Variants in SNAP29 observed in about 807,000 individuals in gnomAD.
SNAP29 encodes synaptosome associated protein 29.
In SNAP29, 13 loss-of-function variants were observed where a neutral mutation model predicts 27.9. The ratio of observed to expected loss-of-function variants is 0.47; its 90% CI spans 0.30 to 0.74. The LOEUF (loss-of-function observed/expected upper bound fraction) is 0.74. Ranked by LOEUF, SNAP29 falls within the 30% of genes least tolerant of loss-of-function variation. The pLI, the probability that SNAP29 is intolerant of heterozygous loss-of-function variation, is 0.06. For synonymous variants in SNAP29, 119 were observed against 127.1 expected (o/e 0.94, Z 0.43); for missense variants, 368 against 336.5 (o/e 1.09, Z -0.73).
At chr22:20,880,701 T>G (rs1045247303) in intron 2 of SNAP29, among the ~76,000 whole-genome samples, 1 of 152,152 alleles carries the variant, frequency 6.6e-6, no homozygotes, top group Non-Finnish European at 1.5e-5. Flanking sequence ...GCTTTTTTTT[T>G]CTTTTTTTTC....
intron 4 of SNAP29, among the ~76,000 whole-genome samples, chr22:20,885,158 T>A (rs1463994011): frequency 6.6e-6 from 1 of 152,202 alleles, no homozygotes; most frequent in Non-Finnish European, 1.5e-5. Context: ...GAGTTTATTC[T>A]AAGTAGTGTC....
intron 1 of SNAP29, among the ~76,000 whole-genome samples, chr22:20,865,598 A>T (rs1374794804): frequency 6.6e-6 from 1 of 152,176 alleles, no homozygotes; most frequent in African/African-American, 2.4e-5. Flanking sequence ...TTAGAGTGGG[A>T]AGTGTTGTAG....
At chr22:20,885,731 G>A (rs1031426385) in intron 4 of SNAP29, among the ~76,000 whole-genome samples, 1 of 152,218 alleles carries the variant, frequency 6.6e-6, no homozygotes, top group Non-Finnish European at 1.5e-5. Context: ...CCGGCAGGAC[G>A]CAGTCTAGAG....
chr22:20,877,651 G>A (rs1353770640), intron 2 of SNAP29, among the ~76,000 whole-genome samples: 2 of 152,188 alleles, frequency 1.3e-5, no homozygotes, highest in African/African-American at 4.8e-5. Context: ...GGGAGGTGGA[G>A]GTTGCAGTGA....
Position 20,875,936 on chromosome 22 carries a change from C to T in SNAP29, c.435-5113C>T, listed in dbSNP as rs989199040. Among the ~76,000 whole-genome samples, 11 of 151,838 alleles carry T rather than the reference C, an allele frequency of 7.2e-5. No homozygotes were observed. The South Asian group carries it at 8.3e-4, about 11-fold the overall frequency. On this transcript the variant is annotated intron_variant, in intron 2 of 4. Transcript: ENST00000215730. ...AGCACTTTTGGGAGGCTAAGGTGGG[C>T]GGATCACGAGGTCAGGAGATCGAGA...
At chr22:20,860,192 A>AT (rs1430927342) in intron 1 of SNAP29, among the ~76,000 whole-genome samples, 2 of 105,424 alleles carry the variant, frequency 1.9e-5, no homozygotes, top group African/African-American at 4.1e-5. Flanking sequence ...CTCCACTAAA[A>AT]TTAAAAAAAA....
intron 2 of SNAP29, among the ~76,000 whole-genome samples, chr22:20,878,841 G>C (rs545152518): frequency 1.3e-5 from 2 of 152,166 alleles, no homozygotes; most frequent in South Asian, 2.1e-4. Flanking sequence ...AGGATGTCGG[G>C]GATCAGCAGG....
rs1334883503 is a variant in SNAP29 at position 20,888,307 on chromosome 22, TCA to T, written c.*472_*473del. On this transcript the variant is annotated 3_prime_UTR_variant, in exon 5 of 5. Coordinates refer to ENST00000215730, the MANE Select transcript of SNAP29 (RefSeq NM_004782.4). ...TTCCCACACCTTTGTTTAGGAGTCA[TCA>T]TTCACACACACACACACACACACAC... 8 of 206,568 alleles carry T rather than the reference TCA, an allele frequency of 3.9e-5. No individual in the cohort carries two copies. The highest frequency in any genetic ancestry group is 1.5e-4 in the Admixed American group (2 of 13,694). 12.8% of individuals were successfully genotyped at this position (206,568 alleles called of 1,614,324 possible). A position where few individuals can be genotyped will look rare whatever the true frequency, so the allele number is the denominator to read the frequency against.
At chr22:20,863,346 A>G (rs1928377813) in intron 1 of SNAP29, among the ~76,000 whole-genome samples, 1 of 152,234 alleles carries the variant, frequency 6.6e-6, no homozygotes, top group South Asian at 2.1e-4. Flanking sequence ...AAACATGCCA[A>G]CACATGACAG....
At position 20,888,753 on chromosome 22, in the gene SNAP29, A is replaced by G. The variant is rs12161075; in HGVS notation, c.*917A>G. ...TGGGAATCACCATTAGGCAGGCCTC[A>G]GTAGGGCAAAATGTTTATTTGGTAC... On this transcript the variant is annotated 3_prime_UTR_variant, in exon 5 of 5. Coordinates refer to ENST00000215730, the MANE Select transcript of SNAP29 (RefSeq NM_004782.4). The G allele has an allele frequency of 3.3e-5, 5 of 152,412 alleles. No homozygotes were observed. Among genetic ancestry groups the G allele is most frequent in the African/African-American group, 1.2e-4 (5 of 41,588 alleles). The allele number at this position is 152,412 out of a possible 1,614,324, so 9.4% of individuals were successfully genotyped here. A position where few individuals can be genotyped will look rare whatever the true frequency, so the allele number is the denominator to read the frequency against.
chr22:20,863,519 A>G (rs970850391), intron 1 of SNAP29, among the ~76,000 whole-genome samples: 3 of 152,220 alleles, frequency 2.0e-5, no homozygotes, highest in African/African-American at 7.2e-5. Context: ...ACAAAGGCTC[A>G]GGCCACAGGC....
Position 20,890,047 on chromosome 22 carries a change from G to A in SNAP29, c.*2211G>A, listed in dbSNP as rs1569122848. 2 of 387,370 alleles carry A rather than the reference G, an allele frequency of 5.2e-6. No individual in the cohort carries two copies. Among genetic ancestry groups the A allele is most frequent in the African/African-American group, 2.1e-5 (1 of 48,328 alleles). 24.0% of individuals were successfully genotyped at this position (387,370 alleles called of 1,614,324 possible). The stretch of plus-strand genomic sequence containing the variant: ...ATATTAGAGGGCCTCGTTTTGTCCT[G>A]TTCTTGTTCAGACCCTCTCGTTCTA... On this transcript the variant is annotated 3_prime_UTR_variant, in exon 5 of 5. Coordinates refer to ENST00000215730, the MANE Select transcript of SNAP29 (RefSeq NM_004782.4).
rs115096183 is a variant in SNAP29 at position 20,889,012 on chromosome 22, A to G, written c.*1176A>G. 93 of 152,348 alleles carry G rather than the reference A, an allele frequency of 6.1e-4. No individual in the cohort carries two copies. The highest frequency in any genetic ancestry group is 2.1e-3 in the African/African-American group (86 of 41,580). The allele number at this position is 152,348 out of a possible 1,614,324, so 9.4% of individuals were successfully genotyped here. On this transcript the variant is annotated 3_prime_UTR_variant, in exon 5 of 5. Transcript: ENST00000215730. ...CAAAAGAAATCATGCAGAAGCATCA[A>G]TTAAAACTGATTTATTTATGTTGGT...
At chr22:20,876,010 A>T (rs1928735410) in intron 2 of SNAP29, among the ~76,000 whole-genome samples, 1 of 151,734 alleles carries the variant, frequency 6.6e-6, no homozygotes, top group African/African-American at 2.4e-5. Context: ...AAATACAAAA[A>T]ATTAGCCAGG....
At position 20,889,875 on chromosome 22, in the gene SNAP29, T is replaced by G. The variant is rs746231023; in HGVS notation, c.*2039T>G. 2.2e-4 allele frequency: 36 copies of G among 165,726 alleles called. No individual in the cohort carries two copies. Among genetic ancestry groups the G allele is most frequent in the Non-Finnish European group, 3.5e-4 (27 of 77,262 alleles). The allele number at this position is 165,726 out of a possible 1,614,324, so 10.3% of individuals were successfully genotyped here. On this transcript the variant is annotated 3_prime_UTR_variant, in exon 5 of 5. Coordinates refer to ENST00000215730, the MANE Select transcript of SNAP29 (RefSeq NM_004782.4). ...TCAACTGACTTGAAGCACAGTAACA[T>G]CTTATTTTATGCACATTCCCTGTCT...
intron 1 of SNAP29, among the ~76,000 whole-genome samples, chr22:20,867,290 C>G (rs775012637): frequency 1.4e-3 from 211 of 152,242 alleles, no homozygotes; most frequent in Non-Finnish European, 2.3e-3. Flanking sequence ...TCAGGGACCT[C>G]ATTCTCCCAC....
intron 1 of SNAP29, among the ~76,000 whole-genome samples, chr22:20,869,920 G>A (rs1006256356): frequency 2.6e-5 from 4 of 152,032 alleles, no homozygotes; most frequent in Non-Finnish European, 4.4e-5. Context: ...ACAGGTGCCC[G>A]CCACAACACC....
chr22:20,872,691 C>T (rs1400221700), intron 2 of SNAP29, among the ~76,000 whole-genome samples: 4 of 151,888 alleles, frequency 2.6e-5, no homozygotes. Flanking sequence ...TGAGCCACCA[C>T]ATCCGGCCTA....
intron 4 of SNAP29, among the ~76,000 whole-genome samples, chr22:20,887,197 C>T (rs113768745): frequency 0.069 from 10,380 of 151,144 alleles, 352 homozygotes; most frequent in East Asian, 0.079. Context: ...TGCACTCCAG[C>T]CTGGACAAAA....
Sources: allele counts gnomAD v4.1 joint callset (sites outside exome capture counted in the v4.1 genomes callset), GRCh38; gene constraint gnomAD v4.1.1; transcripts MANE v1.5; gene names NCBI Gene and HGNC (gene_info 2026-07-23, HGNC 2026-07-21).